The following ANO2 variants were observed in gnomAD, a reference collection of about 807,000 sequenced individuals.
ANO2 encodes anoctamin-2.
ANO2 carries 101 observed loss-of-function variants against 124.2 expected under a neutral mutation model. The observed-to-expected ratio is 0.81, with a 90% CI of 0.69 to 0.96. The LOEUF is 0.96. ANO2 is among the 40% of genes least tolerant of loss of function. ANO2 has a pLI of 0.00. For missense variants in ANO2, 1,293 were observed against 1,274.5 expected (o/e 1.01, Z -0.22); for synonymous variants, 486 against 482.5 (o/e 1.01, Z -0.09).
At chr12:5,858,574 GGAGCT>G (rs1955176656) in intron 3 of ANO2, 2 of 152,106 alleles carry the variant, frequency 1.3e-5, no homozygotes, top group South Asian at 4.2e-4. Context: ...TGCAGCTGTG[GGAGCT>G]TAGGCAAGTC....
At chr12:5,859,815 T>C (rs1955213079) in intron 3 of ANO2, among the ~76,000 whole-genome samples, 1 of 152,182 alleles carries the variant, frequency 6.6e-6, no homozygotes, top group Non-Finnish European at 1.5e-5. Flanking sequence ...ATTACAGACG[T>C]GAGTCACCAC....
chr12:5,643,108 A>G (rs1946464404), intron 15 of ANO2, among the ~76,000 whole-genome samples: 1 of 152,028 alleles, frequency 6.6e-6, no homozygotes, highest in African/African-American at 2.4e-5. Context: ...ACAAACACCA[A>G]TATAGCCCAG....
Position 5,615,250 on chromosome 12 carries a change from C to T in ANO2, c.1864G>A (p.Ala622Thr), listed in dbSNP as rs201762967. The T allele has an allele frequency of 1.9e-6, 3 of 1,613,758 alleles. No individual in the cohort carries two copies. The African/African-American group carries it at 4.0e-5, about 22-fold the overall frequency. The change falls in exon 17 of 25, where the codon GCT becomes ACT. Residue 622 changes from alanine to threonine, a missense_variant. Physicochemically the swap from Ala to Thr is moderately conservative, Grantham distance 58. Coordinates refer to ENST00000682330, the MANE Select transcript of ANO2 (RefSeq NM_001364791.2). ...QTFEERLILK[A>T]FLLKFVNAYS... ...GCATTGACAAACTTGAGCAAGAAAGCTTTGAGGATCAGGCGCTCTTCAAAA... is the reference window on the plus strand; with the variant it reads ...GCATTGACAAACTTGAGCAAGAAAGTTTTGAGGATCAGGCGCTCTTCAAAA...
intron 4 of ANO2, among the ~76,000 whole-genome samples, chr12:5,845,796 C>CT (rs767730001): frequency 6.6e-6 from 1 of 152,156 alleles, no homozygotes; most frequent in Non-Finnish European, 1.5e-5. Flanking sequence ...ATTAACCTCT[C>CT]TGAGTTTCAA....
At chr12:5,711,417 C>A (rs572016132) in intron 14 of ANO2, among the ~76,000 whole-genome samples, 1 of 152,176 alleles carries the variant, frequency 6.6e-6, no homozygotes, top group Non-Finnish European at 1.5e-5. Context: ...GCCTCCCCAG[C>A]GGCCAAGCAG....
intron 16 of ANO2, among the ~76,000 whole-genome samples, chr12:5,623,554 T>C (rs2136921476): frequency 6.6e-6 from 1 of 152,174 alleles, no homozygotes; most frequent in South Asian, 2.1e-4. Flanking sequence ...TGGAAAACAA[T>C]TAGTATGAAA....
At chr12:5,627,763 G>A (rs1270555325) in intron 16 of ANO2, among the ~76,000 whole-genome samples, 1 of 152,056 alleles carries the variant, frequency 6.6e-6, no homozygotes, top group Non-Finnish European at 1.5e-5. Flanking sequence ...TTTTGCTAGA[G>A]TAGCTTAGAA....
intron 14 of ANO2, among the ~76,000 whole-genome samples, chr12:5,700,945 T>C (rs983977008): frequency 6.6e-6 from 1 of 152,170 alleles, no homozygotes; most frequent in African/African-American, 2.4e-5. Flanking sequence ...TTCTTCCCTA[T>C]ATAATCTCTC....
intron 3 of ANO2, among the ~76,000 whole-genome samples, chr12:5,854,739 A>C (rs1003914892): frequency 3.3e-5 from 5 of 152,214 alleles, no homozygotes; most frequent in African/African-American, 1.2e-4. Context: ...ACATGAATCT[A>C]TGTCTCAGGA....
chr12:5,761,524 A>G (rs2137107979), intron 10 of ANO2, among the ~76,000 whole-genome samples: 1 of 152,294 alleles, frequency 6.6e-6, no homozygotes, highest in South Asian at 2.1e-4. Context: ...TAAACTAGTG[A>G]GCTTTATATT....
chr12:5,662,907 C>G (rs1004028914), intron 14 of ANO2, among the ~76,000 whole-genome samples: 5 of 152,208 alleles, frequency 3.3e-5, no homozygotes, highest in Non-Finnish European at 5.9e-5. Flanking sequence ...TTCTCCAAAC[C>G]TGGGAACACC....
intron 2 of ANO2, among the ~76,000 whole-genome samples, chr12:5,921,682 C>G (rs1253345968): frequency 2.0e-5 from 3 of 152,066 alleles, no homozygotes; most frequent in Non-Finnish European, 4.4e-5. Context: ...ACTCCTGCCT[C>G]CACACACAGA....
chr12:5,649,792 G>GTGTGCA (rs1252094017), intron 14 of ANO2, among the ~76,000 whole-genome samples: 2 of 6,266 alleles, frequency 3.2e-4, no homozygotes, highest in African/African-American at 8.0e-4. Flanking sequence ...ATGTGTGCAT[G>GTGTGCA]TGTGTGTGTG....
chr12:5,891,776 A>T (rs1308282739), intron 3 of ANO2, among the ~76,000 whole-genome samples: 1 of 152,244 alleles, frequency 6.6e-6, no homozygotes, highest in Admixed American at 6.5e-5. Flanking sequence ...TACCTACAGA[A>T]TTCTGGTCAG....
At chr12:5,820,661 G>A (rs1953765607) in intron 7 of ANO2, among the ~76,000 whole-genome samples, 1 of 152,202 alleles carries the variant, frequency 6.6e-6, no homozygotes, top group East Asian at 1.9e-4. Context: ...CGCATCCCTG[G>A]AGGGTGTGCA....
intron 3 of ANO2, among the ~76,000 whole-genome samples, chr12:5,878,410 CGG>C (rs1938255533): frequency 6.6e-6 from 1 of 152,206 alleles, no homozygotes; most frequent in South Asian, 2.1e-4. Context: ...CCCCCTTGGG[CGG>C]GCACCAGTTC....
chr12:5,692,617 G>A (rs966142344), intron 14 of ANO2, among the ~76,000 whole-genome samples: 3 of 152,114 alleles, frequency 2.0e-5, no homozygotes, highest in Non-Finnish European at 4.4e-5. Context: ...AGGTCCTGGC[G>A]GCAATTCACA....
At chr12:5,689,564 C>T (rs1948846932) in intron 14 of ANO2, among the ~76,000 whole-genome samples, 1 of 152,138 alleles carries the variant, frequency 6.6e-6, no homozygotes, top group Non-Finnish European at 1.5e-5. Context: ...ATCCTGCTTC[C>T]AAGCTCTCAC....
intron 7 of ANO2, among the ~76,000 whole-genome samples, chr12:5,808,946 C>T (rs752052515): frequency 1.3e-5 from 2 of 152,138 alleles, no homozygotes; most frequent in East Asian, 3.9e-4. Flanking sequence ...AGCAGAGGCC[C>T]GCGGCAGGCT....
Sources: gnomAD v4.1 joint callset for allele counts (sites outside exome capture counted in the v4.1 genomes callset) on GRCh38, gnomAD v4.1.1 for gene constraint, MANE v1.5 for transcripts, NCBI Gene and HGNC (gene_info 2026-07-23, HGNC 2026-07-21) for gene names.